Variants in TLN2 observed in about 807,000 individuals in gnomAD.
The protein encoded by TLN2 is talin-2.
A neutral mutation model predicts 294.7 loss-of-function variants in TLN2; 118 were observed. That is an observed-to-expected ratio of 0.40 (90% CI 0.34 to 0.47). The LOEUF is 0.47. Ranked by LOEUF, TLN2 falls within the 20% of genes least tolerant of loss-of-function variation. The pLI is 0.84. For missense variants in TLN2, 3,083 were observed against 3,282.2 expected (o/e 0.94, Z 1.48); for synonymous variants, 1,431 against 1,304.5 (o/e 1.10, Z -2.09).
intron 2 of TLN2, among the ~76,000 whole-genome samples, chr15:62,601,377 G>C (rs181045388): frequency 6.6e-6 from 1 of 152,032 alleles, no homozygotes; most frequent in African/African-American, 2.4e-5. Context: ...TTTGGTGGTC[G>C]GTTTCCCATT....
intron 16 of TLN2, among the ~76,000 whole-genome samples, chr15:62,700,801 C>G (rs1429940735): frequency 1.3e-5 from 2 of 152,142 alleles, no homozygotes; most frequent in Admixed American, 6.5e-5. Context: ...TCTCCTCATT[C>G]TTTTTCACTT....
At chr15:62,838,830 T>A (rs780870369) in intron 57 of TLN2, 26 bp from the exon 58 acceptor site, 2 of 1,611,554 alleles carry the variant, frequency 1.2e-6, no homozygotes, top group Admixed American at 3.3e-5. Flanking sequence ...TCTAATGATA[T>A]AATGTATGTT....
intron 1 of TLN2, among the ~76,000 whole-genome samples, chr15:62,569,949 A>C (rs938851476): frequency 6.6e-6 from 1 of 152,134 alleles, no homozygotes; most frequent in East Asian, 1.9e-4. Flanking sequence ...ATTTTGTGTG[A>C]GTTTTCCCTT....
chr15:62,605,510 GAGC>G (rs2047357606), intron 2 of TLN2, among the ~76,000 whole-genome samples: 1 of 152,194 alleles, frequency 6.6e-6, no homozygotes. Flanking sequence ...GCTCTGGGCT[GAGC>G]TTCCAGTCTA....
chr15:62,792,760 C>T lies in TLN2; in HGVS notation c.5856C>T (p.Ile1952=), dbSNP rs749661984. 7 of 1,613,906 alleles carry T rather than the reference C, an allele frequency of 4.3e-6. No homozygotes were observed. Among genetic ancestry groups the T allele is most frequent in the African/African-American group, 1.3e-5 (1 of 74,934 alleles). Residue 1952 remains isoleucine, a synonymous_variant, in exon 46 of 59, where the codon ATC becomes ATT. Transcript: ENST00000636159. ...PTDSYTKREL[I]ECARAVTEKV... ...ACAGCTACACCAAGAGGGAGCTGAT[C>T]GAATGCGCCCGTGCCGTCACGGAAA...
chr15:62,427,930 C>G (rs1277471674), intron 1 of TLN2, among the ~76,000 whole-genome samples: 1 of 152,136 alleles, frequency 6.6e-6, no homozygotes, highest in Non-Finnish European at 1.5e-5. Flanking sequence ...GTCATCAATA[C>G]TTCTTTGTAG....
intron 45 of TLN2, among the ~76,000 whole-genome samples, chr15:62,786,767 G>A (rs2064696580): frequency 6.6e-6 from 1 of 152,216 alleles, no homozygotes. Context: ...CGTGCTGGAG[G>A]TGGGAAAATG....
chr15:62,782,694 G>A (rs1234120037), intron 44 of TLN2, among the ~76,000 whole-genome samples: 2 of 152,246 alleles, frequency 1.3e-5, no homozygotes, highest in African/African-American at 2.4e-5. Context: ...GTGCAGCTCA[G>A]TGTGCGTTCC....
chr15:62,658,570 G>A (rs564136899), intron 9 of TLN2, among the ~76,000 whole-genome samples: 1 of 152,308 alleles, frequency 6.6e-6, no homozygotes, highest in Non-Finnish European at 1.5e-5. Context: ...CCTTTACAAG[G>A]TGACGCCGTG....
chr15:62,408,880 G>T (rs879759307), intron 1 of TLN2, among the ~76,000 whole-genome samples: 1 of 151,682 alleles, frequency 6.6e-6, no homozygotes, highest in Middle Eastern at 3.2e-3. Context: ...GGCTGTTCTT[G>T]AACTCCTGAG....
At chr15:62,828,289 T>C (rs1252625602) in intron 54 of TLN2, 1 of 151,476 alleles carries the variant, frequency 6.6e-6, no homozygotes, top group African/African-American at 2.4e-5. Context: ...TCAGCAAGAG[T>C]TGGCCAGACA....
At chr15:62,416,435 G>A (rs1158064749) in intron 1 of TLN2, among the ~76,000 whole-genome samples, 1 of 152,198 alleles carries the variant, frequency 6.6e-6, no homozygotes, top group Non-Finnish European at 1.5e-5. Flanking sequence ...TGTATCACAG[G>A]CAATCTGCTA....
intron 1 of TLN2, among the ~76,000 whole-genome samples, chr15:62,518,447 A>T (rs1198970701): frequency 6.6e-6 from 1 of 152,202 alleles, no homozygotes; most frequent in Admixed American, 6.5e-5. Context: ...TCAGCTCACT[A>T]GCAAGTTTGG....
intron 1 of TLN2, among the ~76,000 whole-genome samples, chr15:62,518,044 G>GT (rs80208271): frequency 1.9e-3 from 283 of 148,782 alleles, no homozygotes; most frequent in Admixed American, 4.0e-3. Context: ...GCTAGCAGCA[G>GT]TTTTTTTTTT....
chr15:62,756,450 G>A lies in TLN2; in HGVS notation c.4638+757G>A, dbSNP rs528739509. ...ACCTGTGAGAAAACAGCCACAGCCT[G>A]GACAACAGACCGCAGGCAGAAGGCC... On this transcript the variant is annotated intron_variant, in intron 37 of 58. Coordinates refer to ENST00000636159, the MANE Select transcript of TLN2 (RefSeq NM_015059.3). Among the ~76,000 whole-genome samples the A allele has an allele frequency of 1.1e-4, 16 of 152,208 alleles. 1 individual carries two copies. The South Asian group carries it at 3.3e-3, about 32-fold the overall frequency.
intron 1 of TLN2, among the ~76,000 whole-genome samples, chr15:62,482,698 G>A (rs1188921365): frequency 6.8e-6 from 1 of 147,444 alleles, no homozygotes; most frequent in Admixed American, 6.8e-5. Flanking sequence ...ACTTTTTTTT[G>A]CCATTTTAAA....
intron 2 of TLN2, among the ~76,000 whole-genome samples, chr15:62,612,998 T>A (rs2048038493): frequency 1.3e-5 from 2 of 152,304 alleles, no homozygotes; most frequent in South Asian, 4.1e-4. Context: ...GTATAACTGG[T>A]AGCAGGGGAT....
intron 54 of TLN2, chr15:62,827,684 G>T (rs760682915): frequency 6.6e-6 from 1 of 152,178 alleles, no homozygotes; most frequent in Non-Finnish European, 1.5e-5. Flanking sequence ...ATAGCAAGAA[G>T]AATTTTTATT....
At chr15:62,421,975 A>T (rs1290298842) in intron 1 of TLN2, among the ~76,000 whole-genome samples, 1 of 152,044 alleles carries the variant, frequency 6.6e-6, no homozygotes, top group Admixed American at 6.6e-5. Context: ...AGACTTGCCT[A>T]TCGGGCCAGG....
Sources: allele counts gnomAD v4.1 joint callset (sites outside exome capture counted in the v4.1 genomes callset), GRCh38; gene constraint gnomAD v4.1.1; transcripts MANE v1.5; gene names NCBI Gene and HGNC (gene_info 2026-07-23, HGNC 2026-07-21).